CDH4: variants seen among roughly 807,000 people sequenced by gnomAD.
CDH4 encodes the protein cadherin-4.
A neutral mutation model predicts 86.0 loss-of-function variants in CDH4; 33 were observed. The ratio of observed to expected loss-of-function variants is 0.38; its 90% confidence interval spans 0.29 to 0.51. The LOEUF (loss-of-function observed/expected upper bound fraction) is 0.51, where lower values mean the gene tolerates loss of function less well. CDH4 is among the 20% of genes least tolerant of loss of function. The probability of loss-of-function intolerance (pLI) is 0.86; values close to 1 mark genes in which losing one functional copy is unlikely to be tolerated. For missense variants in CDH4, 1,114 were observed against 1,307.4 expected (o/e 0.85, Z 2.28); for synonymous variants, 555 against 549.4 (o/e 1.01, Z -0.14).
intron 6 of CDH4, among the ~76,000 whole-genome samples, chr20:61,869,548 C>T (rs1983706182): frequency 6.6e-6 from 1 of 152,188 alleles, no homozygotes; most frequent in Admixed American, 6.5e-5. Context: ...TCAGTTTCCC[C>T]ATCTGTCAAA....
rs2088859866 is a variant in CDH4, at chr20:61,777,708, A to C, written c.576+4526A>C. ...CGCACACACGTGCATACAAAAACAC[A>C]CACCCACATGCGTGCACACGTGCAT... On this transcript the variant is annotated intron_variant, in intron 4 of 15. Coordinates refer to ENST00000614565, the MANE Select transcript of CDH4 (RefSeq NM_001794.5). Among the ~76,000 whole-genome samples, 2 of 147,660 alleles carry C rather than the reference A, an allele frequency of 1.4e-5. 1 individual carries two copies. Among genetic ancestry groups the C allele is most frequent in the African/African-American group, 5.1e-5 (2 of 39,034 alleles).
At chr20:61,923,831 A>G in intron 10 of CDH4, 127 bp downstream of exon 10, 1 of 1,191,418 alleles carries the variant, frequency 8.4e-7, no homozygotes, top group Non-Finnish European at 1.2e-6. Context: ...GGCATCTCCA[A>G]CCTAAGGCGT....
rs79131511 is a variant in CDH4 at position 61,915,685 on chromosome 20, G to A, written c.1374+5078G>A. On this transcript the variant is annotated intron_variant, in intron 9 of 15. Coordinates refer to ENST00000614565, the MANE Select transcript of CDH4 (RefSeq NM_001794.5). The stretch of plus-strand genomic sequence containing the variant: ...CATGCCCCCATCTGCAGAACATCCC[G>A]GAAAAGACAAAACTGTGGGGACAGA... Among the ~76,000 whole-genome samples the A allele has an allele frequency of 1.9e-3, 296 of 152,306 alleles. 2 individuals carry two copies. The highest frequency in any genetic ancestry group is 6.7e-3 in the African/African-American group (278 of 41,548).
chr20:61,271,906 G>A (rs7269700), intron 2 of CDH4, among the ~76,000 whole-genome samples: 3,789 of 152,224 alleles, frequency 0.025, 157 homozygotes, highest in African/African-American at 0.085. Flanking sequence ...GGGTTTGCAC[G>A]TGCTATGTTT....
At chr20:61,913,841 C>T (rs980937827) in intron 9 of CDH4, among the ~76,000 whole-genome samples, 19 of 152,190 alleles carry the variant, frequency 1.2e-4, no homozygotes, top group African/African-American at 4.3e-4. Flanking sequence ...TGGGCACAGC[C>T]GGGCACATTC....
At chr20:61,718,739 G>A (rs1474311854) in intron 2 of CDH4, 5 of 456,626 alleles carry the variant, frequency 1.1e-5, no homozygotes, top group Non-Finnish European at 2.3e-5. Context: ...GAGTGCAGGA[G>A]ACACTAGGCT....
Position 61,709,987 on chromosome 20 carries a change from G to A in CDH4, c.170-33576G>A, listed in dbSNP as rs2087872510. Among the ~76,000 whole-genome samples, 1 of 152,124 alleles carries A rather than the reference G, an allele frequency of 6.6e-6. No homozygotes were observed. The highest frequency in any genetic ancestry group is 6.5e-5 in the Admixed American group (1 of 15,282). On this transcript the variant is annotated intron_variant, in intron 2 of 15. Transcript: ENST00000614565. The surrounding 1 kb of genome is among the most constrained non-coding windows in gnomAD (Gnocchi z 4.8). ...TGTAGGGAAAAGTTTGCCACCAACAGCGAGTTTAAAACTTTGAAACAGTAA... is the reference window on the plus strand; with the variant it reads ...TGTAGGGAAAAGTTTGCCACCAACAACGAGTTTAAAACTTTGAAACAGTAA...
At chr20:61,826,389 C>T (rs1358802019) in intron 4 of CDH4, among the ~76,000 whole-genome samples, 1 of 152,260 alleles carries the variant, frequency 6.6e-6, no homozygotes, top group African/African-American at 2.4e-5. Context: ...TGCCTCAACA[C>T]CCACGTGGCT....
At chr20:61,302,766 C>A (rs1440822067) in intron 2 of CDH4, among the ~76,000 whole-genome samples, 1 of 152,200 alleles carries the variant, frequency 6.6e-6, no homozygotes, top group African/African-American at 2.4e-5. Context: ...GAATGTCTCA[C>A]CTTGCCCCGC....
chr20:61,665,093 T>G (rs541467720), intron 2 of CDH4, among the ~76,000 whole-genome samples: 3 of 152,156 alleles, frequency 2.0e-5, no homozygotes, highest in Admixed American at 6.5e-5. Flanking sequence ...CCTCCCTGAG[T>G]CAGAAGGGAG....
At chr20:61,731,939 C>T (rs959180792) in intron 2 of CDH4, among the ~76,000 whole-genome samples, 3 of 152,144 alleles carry the variant, frequency 2.0e-5, no homozygotes, top group Admixed American at 6.5e-5. Context: ...GCACGGTCCC[C>T]CTACCCACCC....
In CDH4 at chr20:61,269,559, C is replaced by T. The variant is rs112359168; in HGVS notation, c.169+14622C>T. On this transcript the variant is annotated intron_variant, in intron 2 of 15. Transcript: ENST00000614565. This position sits in a 1 kb window ranked among gnomAD's most constrained non-coding sequence, Gnocchi z 5.3. ...TGGAGGCACCAGGCTCTGGAAACAC[C>T]AAGGCTTGCTGGCTTGCTCTTATTT... 6.1e-3 allele frequency among the ~76,000 whole-genome samples: 927 copies of T among 152,226 alleles called. 8 individuals carry two copies. The highest frequency in any genetic ancestry group is 0.021 in the African/African-American group (860 of 41,530).
intron 3 of CDH4, among the ~76,000 whole-genome samples, chr20:61,772,464 G>A (rs2088785976): frequency 6.6e-6 from 1 of 152,004 alleles, no homozygotes; most frequent in African/African-American, 2.4e-5. Flanking sequence ...TTGTTTTGCT[G>A]TGAATTATCT....
At chr20:61,279,827 G>C (rs1193490704) in intron 2 of CDH4, among the ~76,000 whole-genome samples, 2 of 152,196 alleles carry the variant, frequency 1.3e-5, no homozygotes, top group African/African-American at 4.8e-5. Context: ...CTGCCTGCCG[G>C]CTGGGGCTGT....
At chr20:61,271,203 C>T (rs1225902525) in intron 2 of CDH4, among the ~76,000 whole-genome samples, 3 of 152,128 alleles carry the variant, frequency 2.0e-5, no homozygotes, top group Non-Finnish European at 4.4e-5. Context: ...TTCTTCCTAT[C>T]GGCATCTCTA....
intron 2 of CDH4, among the ~76,000 whole-genome samples, chr20:61,421,595 C>G (rs920698774): frequency 2.0e-5 from 3 of 151,572 alleles, no homozygotes; most frequent in Non-Finnish European, 2.9e-5. Context: ...TTGTGAAAAT[C>G]CATGTGCAGC....
At chr20:61,675,876 A>T (rs1248775763) in intron 2 of CDH4, among the ~76,000 whole-genome samples, 5 of 152,228 alleles carry the variant, frequency 3.3e-5, no homozygotes, top group African/African-American at 1.2e-4. Context: ...TCAGAGTTTG[A>T]GGCCAGGGTG....
At chr20:61,655,341 GTAAA>G (rs1472618307) in intron 2 of CDH4, among the ~76,000 whole-genome samples, 1 of 152,124 alleles carries the variant, frequency 6.6e-6, no homozygotes, top group African/African-American at 2.4e-5. Flanking sequence ...CACAAAGTAT[GTAAA>G]TATCATTTTT....
At chr20:61,272,895 G>A (rs1484061093) in intron 2 of CDH4, among the ~76,000 whole-genome samples, 2 of 145,632 alleles carry the variant, frequency 1.4e-5, no homozygotes, top group Non-Finnish European at 3.0e-5. Flanking sequence ...AGTACCGTGT[G>A]CAGTTTGGGG....
Sources: allele counts gnomAD v4.1 joint callset (sites outside exome capture counted in the v4.1 genomes callset), GRCh38; gene constraint gnomAD v4.1.1; non-coding constraint Gnocchi (gnomAD v3.1); transcripts MANE v1.5; gene names NCBI Gene and HGNC (gene_info 2026-07-23, HGNC 2026-07-21).